PHLDB2: variants seen among roughly 807,000 people sequenced by gnomAD.
PHLDB2 encodes pleckstrin homology-like domain family B member 2.
PHLDB2 carries 71 observed loss-of-function variants against 123.6 expected under a neutral mutation model. The ratio of observed to expected loss-of-function variants is 0.57; its 90% CI spans 0.47 to 0.70. The LOEUF (loss-of-function observed/expected upper bound fraction) is 0.70. Ranked by LOEUF, PHLDB2 falls within the 30% of genes least tolerant of loss-of-function variation. PHLDB2 has a pLI of 0.00. For synonymous variants in PHLDB2, 547 were observed against 541.6 expected, an observed-to-expected ratio of 1.01 and a Z score of -0.14; for missense variants, 1,446 against 1,519.5, an observed-to-expected ratio of 0.95 and a Z score of 0.80.
At chr3:111,773,752 A>G (rs1408650030) in intron 1 of PHLDB2, among the ~76,000 whole-genome samples, 1 of 152,216 alleles carries the variant, frequency 6.6e-6, no homozygotes, top group South Asian at 2.1e-4. Flanking sequence ...AAAAGAGTTT[A>G]TGCTTATTCT....
intron 1 of PHLDB2, among the ~76,000 whole-genome samples, chr3:111,784,575 T>G (rs2060609733): frequency 6.6e-6 from 1 of 152,194 alleles, no homozygotes; most frequent in Non-Finnish European, 1.5e-5. Flanking sequence ...AATTTTTGAT[T>G]GTGTTTAGTC....
At chr3:111,819,679 T>G (rs2062274027) in intron 1 of PHLDB2, among the ~76,000 whole-genome samples, 2 of 152,240 alleles carry the variant, frequency 1.3e-5, no homozygotes, top group Non-Finnish European at 2.9e-5. Context: ...GGATATACTA[T>G]GCTTCCTCTC....
In PHLDB2 at chr3:111,975,451, T is replaced by A. The variant is rs183976213; in HGVS notation, c.*888T>A. ...GAATAAAGGCAACCAGTAGCCAATG[T>A]CCTTTAGATTGTCTGATTTCTTTTT... On this transcript the variant is annotated 3_prime_UTR_variant, in exon 18 of 18. Coordinates refer to ENST00000431670, the MANE Select transcript of PHLDB2 (RefSeq NM_001134438.2). 6.6e-6 allele frequency: 1 copy of A among 152,332 alleles called. No homozygotes were observed. The highest frequency in any genetic ancestry group is 1.9e-4 in the East Asian group (1 of 5,184). 9.4% of individuals were successfully genotyped at this position (152,332 alleles called of 1,614,324 possible).
intron 1 of PHLDB2, among the ~76,000 whole-genome samples, chr3:111,815,903 G>T (rs2062054162): frequency 6.6e-6 from 1 of 152,142 alleles, no homozygotes; most frequent in South Asian, 2.1e-4. Flanking sequence ...TTGGGCCCAG[G>T]GTCCCATGCT....
chr3:111,940,798 A>G (rs545399342), intron 8 of PHLDB2, among the ~76,000 whole-genome samples, 153 bp downstream of exon 8: 2 of 152,350 alleles, frequency 1.3e-5, no homozygotes, highest in African/African-American at 4.8e-5. Context: ...CTCCACATTC[A>G]TAAGCTGATA....
chr3:111,837,490 C>G (rs1461292165), intron 1 of PHLDB2, among the ~76,000 whole-genome samples: 2 of 152,096 alleles, frequency 1.3e-5, no homozygotes, highest in East Asian at 3.8e-4. Flanking sequence ...GTGCTGTACT[C>G]AAATAAATCT....
At chr3:111,779,071 C>T (rs1411710961) in intron 1 of PHLDB2, among the ~76,000 whole-genome samples, 1 of 152,004 alleles carries the variant, frequency 6.6e-6, no homozygotes, top group African/African-American at 2.4e-5. Flanking sequence ...CTGGGCCCTA[C>T]CTTCGGAGTT....
intron 1 of PHLDB2, chr3:111,845,764 T>C (rs2063955766): frequency 1.9e-6 from 3 of 1,586,366 alleles, no homozygotes; most frequent in African/African-American, 2.7e-5. Flanking sequence ...ACCTTGAGTT[T>C]TCAGAGGTCA....
chr3:111,920,147 G>A (rs1559903777), intron 4 of PHLDB2, 135 bp from the exon 5 acceptor site: 1 of 916,366 alleles, frequency 1.1e-6, no homozygotes, highest in East Asian at 2.7e-5. Flanking sequence ...TCTCTGGAGT[G>A]TTCTCAGGCA....
intron 1 of PHLDB2, among the ~76,000 whole-genome samples, chr3:111,752,446 T>A (rs1483500565): frequency 6.6e-6 from 1 of 152,132 alleles, no homozygotes; most frequent in East Asian, 1.9e-4. Context: ...ACTTGACATT[T>A]TAGTACATGT....
At chr3:111,732,551 C>A in exon 1 of PHLDB2, 1 of 1,373,946 alleles carries the variant, frequency 7.3e-7, no homozygotes, top group Non-Finnish European at 1.0e-6. Flanking sequence ...AAAGGAACCT[C>A]ACCTTCATGC....
chr3:111,774,402 G>A (rs1460028769), intron 1 of PHLDB2, among the ~76,000 whole-genome samples: 2 of 152,206 alleles, frequency 1.3e-5, no homozygotes, highest in African/African-American at 2.4e-5. Flanking sequence ...TGGTGCTAAT[G>A]TATGCTCTAT....
At chr3:111,769,537 T>C (rs190029058) in intron 1 of PHLDB2, among the ~76,000 whole-genome samples, 98 of 152,302 alleles carry the variant, frequency 6.4e-4, no homozygotes, top group African/African-American at 2.3e-3. Context: ...TGGAGTCTGA[T>C]TACTCTATTT....
chr3:111,922,204 C>T (rs1471289587), intron 5 of PHLDB2, among the ~76,000 whole-genome samples: 1 of 152,210 alleles, frequency 6.6e-6, no homozygotes, highest in African/African-American at 2.4e-5. Context: ...TCCTGCCATC[C>T]TAATCCATGT....
chr3:111,846,166 A>C, intron 2 of PHLDB2: 1 of 421,056 alleles, frequency 2.4e-6, no homozygotes, highest in Non-Finnish European at 4.4e-6. Context: ...TTTAGTCCAG[A>C]TGCTGAAGGA....
At chr3:111,748,256 TC>T (rs1445137124) in intron 1 of PHLDB2, among the ~76,000 whole-genome samples, 2 of 152,120 alleles carry the variant, frequency 1.3e-5, no homozygotes, top group Non-Finnish European at 2.9e-5. Context: ...GACTCTACCC[TC>T]CATCAGAGGC....
chr3:111,789,718 T>A (rs1258215209), intron 1 of PHLDB2, among the ~76,000 whole-genome samples: 1 of 151,170 alleles, frequency 6.6e-6, no homozygotes, highest in Admixed American at 6.6e-5. Context: ...ATGTGCTTAG[T>A]TCATATGGTG....
chr3:111,949,179 T>C (rs1295116630), intron 10 of PHLDB2, 104 bp downstream of exon 10: 20 of 1,342,304 alleles, frequency 1.5e-5, no homozygotes, highest in Non-Finnish European at 2.0e-5. Flanking sequence ...ATGACAAATG[T>C]ATATCTGTTT....
chr3:111,757,247 C>G (rs1488338332), intron 1 of PHLDB2, among the ~76,000 whole-genome samples: 2 of 152,164 alleles, frequency 1.3e-5, no homozygotes, highest in African/African-American at 2.4e-5. Flanking sequence ...AGAGTGTTTT[C>G]CAACTTGGTT....
Sources: gnomAD v4.1 joint callset for allele counts (sites outside exome capture counted in the v4.1 genomes callset) on GRCh38, gnomAD v4.1.1 for gene constraint, MANE v1.5 for transcripts, NCBI Gene and HGNC (gene_info 2026-07-23, HGNC 2026-07-21) for gene names.